RAP1A: variants seen among roughly 807,000 people sequenced by gnomAD.
RAP1A encodes RAP1A, member of RAS oncogene family, also known as ras-related protein Rap-1A.
Under a neutral mutation model 26.4 loss-of-function variants are expected in RAP1A, and 6 were observed. The observed-to-expected ratio is 0.23, with a 90% CI of 0.12 to 0.45. RAP1A has a LOEUF of 0.45. RAP1A is among the 20% of genes least tolerant of loss of function. RAP1A has a pLI of 0.99. For synonymous variants in RAP1A, 73 were observed against 79.4 expected (o/e 0.92, Z 0.43); for missense variants, 121 against 217.2 (o/e 0.56, Z 2.78).
At chr1:111,548,259 G>C (rs1038790460) in intron 1 of RAP1A, among the ~76,000 whole-genome samples, 1 of 152,166 alleles carries the variant, frequency 6.6e-6, no homozygotes, top group Non-Finnish European at 1.5e-5. Context: ...GGCCTCAAGC[G>C]ACCCACCCAC....
chr1:111,655,371 A>T (rs58764242), intron 1 of RAP1A, among the ~76,000 whole-genome samples: 6,696 of 152,222 alleles, frequency 0.044, 305 homozygotes, highest in African/African-American at 0.11. Flanking sequence ...TTCTTAATAA[A>T]TAGAACAGAC....
intron 1 of RAP1A, among the ~76,000 whole-genome samples, chr1:111,633,929 G>T (rs944950969): frequency 6.6e-6 from 1 of 152,128 alleles, no homozygotes; most frequent in Non-Finnish European, 1.5e-5. Flanking sequence ...TGCCTACATG[G>T]GTACATAAGC....
At chr1:111,613,434 C>A (rs902722197) in intron 1 of RAP1A, among the ~76,000 whole-genome samples, 5 of 152,258 alleles carry the variant, frequency 3.3e-5, no homozygotes, top group African/African-American at 1.2e-4. Flanking sequence ...CTCCTGACCT[C>A]GTGATCCTCC....
At chr1:111,670,258 G>A (rs1212723537) in intron 1 of RAP1A, among the ~76,000 whole-genome samples, 1 of 152,088 alleles carries the variant, frequency 6.6e-6, no homozygotes, top group Non-Finnish European at 1.5e-5. Context: ...GATAGCTTGA[G>A]CCTAGGAGTT....
chr1:111,584,955 A>G (rs968749334), intron 1 of RAP1A, among the ~76,000 whole-genome samples: 2 of 152,226 alleles, frequency 1.3e-5, no homozygotes, highest in Non-Finnish European at 2.9e-5. Context: ...AATATCTTTC[A>G]TCTTCATTTT....
intron 1 of RAP1A, among the ~76,000 whole-genome samples, chr1:111,554,058 C>T (rs1571462162): frequency 6.6e-6 from 1 of 152,220 alleles, no homozygotes; most frequent in African/African-American, 2.4e-5. Context: ...TGCACTAAAG[C>T]CAGAATTCCC....
rs1415803 is a variant in RAP1A, at chr1:111,590,668, G to A, written c.-28+48159G>A. Among the ~76,000 whole-genome samples the A allele has an allele frequency of 6.7e-3, 1,006 of 150,972 alleles. 13 individuals carry two copies. The highest frequency in any genetic ancestry group is 0.023 in the African/African-American group (953 of 41,036). On this transcript the variant is annotated intron_variant, in intron 1 of 7. Transcript: ENST00000356415. ...TTGAACTCCTGAAAGTGATCCACCC[G>A]CCTCGGCCTCCCAAAGTGCTGGGAT... is the stretch of plus-strand genomic sequence containing the variant.
chr1:111,661,817 A>AG (rs1272780954), intron 1 of RAP1A, among the ~76,000 whole-genome samples: 1 of 149,432 alleles, frequency 6.7e-6, no homozygotes, highest in African/African-American at 2.5e-5. Flanking sequence ...AAAAAAAAAA[A>AG]GCAATTTCCA....
chr1:111,696,182 G>A (rs1383933058), intron 3 of RAP1A, among the ~76,000 whole-genome samples: 1 of 152,156 alleles, frequency 6.6e-6, no homozygotes, highest in Non-Finnish European at 1.5e-5. Flanking sequence ...AAAATTTTCA[G>A]TATTTTCTAT....
At chr1:111,695,267 TAATTTG>T in intron 2 of RAP1A, 68 bp from the exon 3 acceptor site, 1 of 1,087,374 alleles carries the variant, frequency 9.2e-7, no homozygotes, top group Non-Finnish European at 1.3e-6. Flanking sequence ...TTAATCATTA[TAATTTG>T]TAGGTTAAGT....
chr1:111,688,206 GT>G (rs1246569868), intron 1 of RAP1A, among the ~76,000 whole-genome samples: 7 of 146,806 alleles, frequency 4.8e-5, no homozygotes, highest in Non-Finnish European at 9.0e-5. Context: ...AGGTTGACCA[GT>G]TTTTTCTTTG....
At chr1:111,627,080 A>G (rs1050705564) in intron 1 of RAP1A, among the ~76,000 whole-genome samples, 2 of 152,174 alleles carry the variant, frequency 1.3e-5, no homozygotes, top group African/African-American at 4.8e-5. Flanking sequence ...TTCAGTGGTT[A>G]TAACTGCTTA....
At chr1:111,542,278 A>T in exon 1 of RAP1A, 1 of 590,898 alleles carries the variant, frequency 1.7e-6, no homozygotes, top group South Asian at 1.4e-5. Context: ...TCAGGATCAG[A>T]CCTGCCGGTT....
intron 1 of RAP1A, among the ~76,000 whole-genome samples, chr1:111,570,858 C>T (rs900481364): frequency 2.0e-5 from 3 of 152,210 alleles, no homozygotes; most frequent in African/African-American, 7.2e-5. Flanking sequence ...GAGCCACCTC[C>T]GTGACTCAAA....
chr1:111,605,415 T>C (rs1658750794), intron 1 of RAP1A, among the ~76,000 whole-genome samples: 1 of 152,200 alleles, frequency 6.6e-6, no homozygotes, highest in South Asian at 2.1e-4. Flanking sequence ...GCATACATAA[T>C]TTTCCAATCA....
At chr1:111,703,893 G>T (rs1185220524) in intron 5 of RAP1A, among the ~76,000 whole-genome samples, 1 of 152,102 alleles carries the variant, frequency 6.6e-6, no homozygotes, top group Non-Finnish European at 1.5e-5. Context: ...CTACCTCCCG[G>T]GCTCAAGTGA....
chr1:111,633,451 A>G (rs946196355), intron 1 of RAP1A, among the ~76,000 whole-genome samples: 2 of 152,258 alleles, frequency 1.3e-5, no homozygotes, highest in African/African-American at 4.8e-5. Context: ...AAGAAAAACC[A>G]TAGGCAAGTG....
chr1:111,581,396 G>A (rs1411720449), intron 1 of RAP1A, among the ~76,000 whole-genome samples: 1 of 152,172 alleles, frequency 6.6e-6, no homozygotes, highest in East Asian at 1.9e-4. Flanking sequence ...CACAACTGGG[G>A]TAGAGGAGTT....
At chr1:111,623,041 G>A (rs1438272148) in intron 1 of RAP1A, among the ~76,000 whole-genome samples, 11 of 151,958 alleles carry the variant, frequency 7.2e-5, no homozygotes, top group South Asian at 2.1e-4. Context: ...TTTTTGAGAC[G>A]GAGTCTTGCT....
Sources: gnomAD v4.1 joint callset for allele counts (sites outside exome capture counted in the v4.1 genomes callset) on GRCh38, gnomAD v4.1.1 for gene constraint, MANE v1.5 for transcripts, NCBI Gene and HGNC (gene_info 2026-07-23, HGNC 2026-07-21) for gene names.